Variants in NKAPD1 observed in about 807,000 individuals in gnomAD.
NKAPD1 encodes the protein uncharacterized protein NKAPD1.
Under a neutral mutation model 30.9 loss-of-function variants are expected in NKAPD1, and 12 were observed. The ratio of observed to expected loss-of-function variants is 0.39; its 90% confidence interval spans 0.25 to 0.63. The LOEUF is 0.63. Among genes scored for constraint, NKAPD1 ranks in the 20% least tolerant of loss-of-function variants. NKAPD1 has a pLI of 0.51. For missense variants in NKAPD1, 311 were observed against 344.5 expected, an observed-to-expected ratio of 0.90 and a Z score of 0.77; for synonymous variants, 91 against 113.6, an observed-to-expected ratio of 0.80 and a Z score of 1.26.
At chr11:112,082,108 T>A in intron 5 of NKAPD1, 73 bp downstream of exon 5, 1 of 1,278,168 alleles carries the variant, frequency 7.8e-7, no homozygotes, top group South Asian at 1.3e-5. Context: ...TTCTTAACTT[T>A]TACGAAGAAT....
intron 2 of NKAPD1, among the ~76,000 whole-genome samples, chr11:112,076,202 G>A (rs994722419): frequency 5.9e-5 from 9 of 152,186 alleles, no homozygotes; most frequent in Admixed American, 5.9e-4. Context: ...TTTAAACAGG[G>A]TGTGGCATGA....
chr11:112,084,996 A>C lies in NKAPD1; in HGVS notation c.*2024A>C, dbSNP rs543821094. The stretch of plus-strand genomic sequence containing the variant: ...CCCCATTTGCACTACTGGCCATGGA[A>C]CATTTATTTCTAGTGTTCCTGCCAA... On this transcript the variant is annotated 3_prime_UTR_variant, in exon 6 of 6. Transcript: ENST00000393047. 9.8e-4 allele frequency: 231 copies of C among 234,954 alleles called. 1 individual carries two copies. Among genetic ancestry groups the C allele is most frequent in the African/African-American group, 5.0e-3 (224 of 44,776 alleles). The allele number at this position is 234,954 out of a possible 1,614,324, so 14.6% of individuals were successfully genotyped here.
At chr11:112,080,889 C>T in intron 4 of NKAPD1, 1 of 297,242 alleles carries the variant, frequency 3.4e-6, no homozygotes, top group Non-Finnish European at 6.4e-6. Flanking sequence ...TATTTATGTA[C>T]TATGTCCATA....
chr11:112,081,820 A>C, intron 4 of NKAPD1, 162 bp from the exon 5 acceptor site: 3 of 633,180 alleles, frequency 4.7e-6, no homozygotes, highest in Non-Finnish European at 8.5e-6. Context: ...CAGTACAGGA[A>C]ATGTAGCTGT....
At chr11:112,076,027 G>A (rs889763737) in intron 2 of NKAPD1, among the ~76,000 whole-genome samples, 4 of 152,294 alleles carry the variant, frequency 2.6e-5, no homozygotes, top group South Asian at 2.1e-4. Context: ...ATATGGCAAC[G>A]AGAAAGAGCA....
In NKAPD1 at chr11:112,080,397, T is replaced by A. The variant is rs755881792; in HGVS notation, c.171-12T>A. On this transcript the variant is annotated splice_polypyrimidine_tract_variant and intron_variant, in intron 3 of 5. Coordinates refer to ENST00000393047, the MANE Select transcript of NKAPD1 (RefSeq NM_018195.4). ...CTTTTACATCTAAAAGTTCTTCTGC[T>A]TTCTCTTTTAGCCGGATGCGCAGTG... The A allele has an allele frequency of 6.2e-7, 1 of 1,612,300 alleles. No homozygotes were observed. The highest frequency in any genetic ancestry group is 8.5e-7 in the Non-Finnish European group (1 of 1,179,676).
chr11:112,084,400 A>C lies in NKAPD1; in HGVS notation c.*1428A>C, dbSNP rs774123547. 1 of 152,630 alleles carries C rather than the reference A, an allele frequency of 6.6e-6. No homozygotes were observed. Among genetic ancestry groups the C allele is most frequent in the Non-Finnish European group, 1.5e-5 (1 of 68,042 alleles). The allele number at this position is 152,630 out of a possible 1,614,324, so 9.5% of individuals were successfully genotyped here. ...ATACATGGTTGGACAGAGGTGCCCT[A>C]TCCCTTAACTATGAGCAGGTGCTAC... is the stretch of plus-strand genomic sequence containing the variant. On this transcript the variant is annotated 3_prime_UTR_variant, in exon 6 of 6. Coordinates refer to ENST00000393047, the MANE Select transcript of NKAPD1 (RefSeq NM_018195.4).
rs1204855399 is a variant in NKAPD1, at chr11:112,083,086, C to T, written c.*114C>T. 6.3e-6 allele frequency: 7 copies of T among 1,110,390 alleles called. No homozygotes were observed. Among genetic ancestry groups the T allele is most frequent in the Non-Finnish European group, 2.5e-6 (2 of 811,638 alleles). The allele number at this position is 1,110,390 out of a possible 1,614,324, so 68.8% of individuals were successfully genotyped here. ...GGCCTGAGGTCAGAGCTGTCTTGTG[C>T]CATCTGTATGTTCTGACAGACGTCT... is the stretch of plus-strand genomic sequence containing the variant. On this transcript the variant is annotated 3_prime_UTR_variant, in exon 6 of 6. Coordinates refer to ENST00000393047, the MANE Select transcript of NKAPD1 (RefSeq NM_018195.4).
rs947107752 is a variant in NKAPD1 at position 112,082,745 on chromosome 11, G to A, written c.655G>A (p.Ala219Thr). ...CAGGAAAAAGTCTCTCAAAAAACCT[G>A]CTTTATTCTTAGAGGCAGAAAGTAA... ...KSRKKSLKKP[A>T]LFLEAESNTS... Residue 219 changes from alanine to threonine, a missense_variant, in exon 6 of 6, where the codon GCT becomes ACT. Coordinates refer to ENST00000393047, the MANE Select transcript of NKAPD1 (RefSeq NM_018195.4). The A allele has an allele frequency of 6.2e-6, 10 of 1,613,842 alleles. No individual in the cohort carries two copies. In the African/African-American group the frequency reaches 1.3e-4, roughly 22 times the overall value.
intron 3 of NKAPD1, among the ~76,000 whole-genome samples, chr11:112,079,846 C>G (rs1258002585): frequency 2.7e-5 from 4 of 150,730 alleles, no homozygotes; most frequent in Non-Finnish European, 5.9e-5. Flanking sequence ...GAGTCTCACT[C>G]TGTTGCCCAG....
Position 112,082,906 on chromosome 11 carries a change from A to G in NKAPD1, c.816A>G (p.Thr272=). ...SVANNEIQER[T]NKRTNWKVAT... is the part of the protein sequence containing the mutation. Reference sequence around the variant, plus strand: ...CCAACAATGAAATACAGGAGAGGACAAACAAACGCACAAATTGGAAAGTAG... The same window carrying G: ...CCAACAATGAAATACAGGAGAGGACGAACAAACGCACAAATTGGAAAGTAG... The change falls in exon 6 of 6, where the codon ACA becomes ACG. Residue 272 remains threonine (T), a synonymous_variant. Coordinates refer to ENST00000393047, the MANE Select transcript of NKAPD1 (RefSeq NM_018195.4). 6.2e-7 allele frequency: 1 copy of G among 1,609,642 alleles called. No homozygotes were observed. Among genetic ancestry groups the G allele is most frequent in the Non-Finnish European group, 8.5e-7 (1 of 1,178,988 alleles).
intron 4 of NKAPD1, 110 bp downstream of exon 4, chr11:112,080,668 T>A: frequency 7.9e-7 from 1 of 1,266,866 alleles, no homozygotes. Context: ...CCAGCATTAT[T>A]AATAATGGCC....
At chr11:112,077,772 C>T (rs188937110) in intron 2 of NKAPD1, among the ~76,000 whole-genome samples, 1 of 151,898 alleles carries the variant, frequency 6.6e-6, no homozygotes, top group Non-Finnish European at 1.5e-5. Flanking sequence ...AATTTGTTTT[C>T]CAGGTTCCTG....
Position 112,075,647 on chromosome 11 carries a change from G to C in NKAPD1, c.69+4G>C, listed in dbSNP as rs1179994626. On this transcript the variant is annotated splice_donor_region_variant and intron_variant, in intron 2 of 5. Transcript: ENST00000393047. ...GCACACAGATGCTCACAATAAGGTGGGAGGTACAACCTAGTTACTCCTCAA... is the reference window on the plus strand; with the variant it reads ...GCACACAGATGCTCACAATAAGGTGCGAGGTACAACCTAGTTACTCCTCAA... 3.1e-6 allele frequency: 5 copies of C among 1,607,672 alleles called. No individual in the cohort carries two copies. The highest frequency in any genetic ancestry group is 4.2e-6 in the Non-Finnish European group (5 of 1,178,202).
Position 112,080,450 on chromosome 11 carries a change from A to G in NKAPD1, c.212A>G (p.Tyr71Cys), listed in dbSNP as rs1162688923. ...GGTTTTGATGAAGAAAGTCAAAGATACTATTGGAGGCCAAAGAATGAAATT... is the reference window on the plus strand; with the variant it reads ...GGTTTTGATGAAGAAAGTCAAAGATGCTATTGGAGGCCAAAGAATGAAATT... Reference protein sequence around the residue: ...SDGFDEESQRYYWRPKNEISG... With the variant: ...SDGFDEESQRCYWRPKNEISG... The change falls in exon 4 of 6, where the codon TAC becomes TGC. Residue 71 changes from tyrosine to cysteine, a missense_variant. Transcript: ENST00000393047. 1 of 1,613,970 alleles carries G rather than the reference A, an allele frequency of 6.2e-7. No individual in the cohort carries two copies. The highest frequency in any genetic ancestry group is 8.5e-7 in the Non-Finnish European group (1 of 1,180,012).
At chr11:112,079,514 G>C (rs571019541) in intron 3 of NKAPD1, among the ~76,000 whole-genome samples, 4 of 152,284 alleles carry the variant, frequency 2.6e-5, no homozygotes, top group Admixed American at 6.5e-5. Context: ...AACAGAAGCT[G>C]GATCAGTGGT....
rs1008412552 is a variant in NKAPD1, at chr11:112,075,703, A to G, written c.69+60A>G. On this transcript the variant is annotated intron_variant, in intron 2 of 5. Coordinates refer to ENST00000393047, the MANE Select transcript of NKAPD1 (RefSeq NM_018195.4). ...ACTGAAGGCAAGCAGTGTGCCAAGC[A>G]TTATTTTGGAACAACTGGGAGATAC... The G allele has an allele frequency of 5.2e-6, 8 of 1,547,560 alleles. No individual in the cohort carries two copies. The Admixed American group carries it at 1.6e-4, about 31-fold the overall frequency.
Position 112,078,247 on chromosome 11 carries a change from A to T in NKAPD1, c.102A>T (p.Arg34Ser). 1 of 1,612,894 alleles carries T rather than the reference A, an allele frequency of 6.2e-7. No homozygotes were observed. The highest frequency in any genetic ancestry group is 1.1e-5 in the South Asian group (1 of 90,814). Reference protein sequence around the residue: ...IQEESDMWKIRELEKQMEDAY... With the variant: ...IQEESDMWKISELEKQMEDAY... The stretch of plus-strand genomic sequence containing the variant: ...AGGAATCAGATATGTGGAAAATAAG[A>T]GAACTGGAAAAACAGATGGAAGATG... Residue 34 changes from arginine (R) to serine (S), a missense_variant, in exon 3 of 6, where the codon AGA (arginine) becomes AGT (serine). Physicochemically the swap from Arg to Ser is moderately radical, Grantham distance 110. Transcript: ENST00000393047.
At chr11:112,076,087 A>G (rs1401159473) in intron 2 of NKAPD1, among the ~76,000 whole-genome samples, 1 of 152,208 alleles carries the variant, frequency 6.6e-6, no homozygotes, top group African/African-American at 2.4e-5. Flanking sequence ...CAGGGAAGGT[A>G]GGGGATAGTG....
Sources: gnomAD v4.1 joint callset for allele counts (sites outside exome capture counted in the v4.1 genomes callset) on GRCh38, gnomAD v4.1.1 for gene constraint, MANE v1.5 for transcripts, NCBI Gene and HGNC (gene_info 2026-07-23, HGNC 2026-07-21) for gene names.